The following PPFIBP1 variants were observed in gnomAD, a reference collection of about 807,000 sequenced individuals.
PPFIBP1 encodes the protein PPFIB scaffold protein 1.
In PPFIBP1, 112 loss-of-function variants were observed where a neutral mutation model predicts 137.8. That is an observed-to-expected ratio of 0.81 (90% CI 0.70 to 0.95). The LOEUF (loss-of-function observed/expected upper bound fraction) is 0.95, where lower values mean the gene tolerates loss of function less well. Among genes scored for constraint, PPFIBP1 ranks in the 40% least tolerant of loss-of-function variants. The probability of loss-of-function intolerance (pLI) is 0.00; values close to 1 mark genes in which losing one functional copy is unlikely to be tolerated. For synonymous variants in PPFIBP1, 378 were observed against 417.3 expected (o/e 0.91, Z 1.15); for missense variants, 1,083 against 1,196.6 (o/e 0.91, Z 1.40).
rs775489811 is a variant in PPFIBP1, at chr12:27,689,199, T to A, written c.2681T>A (p.Val894Glu). The change falls in exon 27 of 30, where the codon GTG becomes GAG. Residue 894 changes from valine (V) to glutamate (E), a missense_variant. Coordinates refer to ENST00000228425, the MANE Select transcript of PPFIBP1 (RefSeq NM_003622.4). Reference protein sequence around the residue: ...DYVLLTATAKVKPKKLAFSNF... With the variant: ...DYVLLTATAKEKPKKLAFSNF... ...GTACTTCTAACAGCTACTGCCAAAG[T>A]GAAGGTTGGTTCAGGCTCATACGGT... is the stretch of plus-strand genomic sequence containing the variant. 4 of 1,562,888 alleles carry A rather than the reference T, an allele frequency of 2.6e-6. No homozygotes were observed. The highest frequency in any genetic ancestry group is 3.4e-6 in the Non-Finnish European group (4 of 1,161,442).
At chr12:27,655,156 A>G (rs760164671) in intron 8 of PPFIBP1, 9 of 1,534,866 alleles carry the variant, frequency 5.9e-6, no homozygotes, top group African/African-American at 5.5e-5. Context: ...TTAATGGCCA[A>G]ACTTTCTAGC....
At chr12:27,540,206 G>A (rs1421452958) in intron 1 of PPFIBP1, among the ~76,000 whole-genome samples, 1 of 151,220 alleles carries the variant, frequency 6.6e-6, no homozygotes, top group African/African-American at 2.4e-5. Context: ...ATAGGCATGT[G>A]CCACCATGTC....
At chr12:27,675,001 T>A (rs1483130074) in intron 17 of PPFIBP1, among the ~76,000 whole-genome samples, 1 of 151,166 alleles carries the variant, frequency 6.6e-6, no homozygotes, top group Non-Finnish European at 1.5e-5. Flanking sequence ...GTTTGTTTTT[T>A]TTTTTATTTT....
Position 27,635,195 on chromosome 12 carries a change from G to A in PPFIBP1, c.270+80G>A, listed in dbSNP as rs758890864. On this transcript the variant is annotated intron_variant, in intron 4 of 29. Transcript: ENST00000228425. ...ATTTAGAACATAGAATAGCTGATTA[G>A]AACAAGAAAAGTTTAGGGCAACACA... The A allele has an allele frequency of 4.9e-6, 7 of 1,426,558 alleles. No homozygotes were observed. The East Asian group carries it at 1.4e-4, about 28-fold the overall frequency. The allele number at this position is 1,426,558 out of a possible 1,614,324, so 88.4% of individuals were successfully genotyped here.
chr12:27,566,076 A>C (rs889306744), intron 1 of PPFIBP1, among the ~76,000 whole-genome samples: 6 of 152,126 alleles, frequency 3.9e-5, no homozygotes, highest in Non-Finnish European at 5.9e-5. Flanking sequence ...TTTTCCCAGA[A>C]AGAGACTTTA....
At chr12:27,606,578 G>A (rs2054546592) in intron 2 of PPFIBP1, among the ~76,000 whole-genome samples, 1 of 152,178 alleles carries the variant, frequency 6.6e-6, no homozygotes, top group Admixed American at 6.5e-5. Context: ...GGAGAAATAG[G>A]CCAAAGGATA....
intron 2 of PPFIBP1, among the ~76,000 whole-genome samples, chr12:27,617,496 C>G (rs1168140441): frequency 6.6e-6 from 1 of 152,128 alleles, no homozygotes; most frequent in Non-Finnish European, 1.5e-5. Flanking sequence ...GTACAATTGT[C>G]CCTTGGTATC....
intron 15 of PPFIBP1, 39 bp downstream of exon 15, chr12:27,672,522 G>A (rs1027201106): frequency 2.7e-6 from 4 of 1,475,008 alleles, no homozygotes; most frequent in Non-Finnish European, 3.8e-6. Context: ...ATGTGATTGA[G>A]GCTAGAGAAA....
At chr12:27,582,751 C>T (rs544958474) in intron 2 of PPFIBP1, among the ~76,000 whole-genome samples, 1 of 152,296 alleles carries the variant, frequency 6.6e-6, no homozygotes, top group South Asian at 2.1e-4. Context: ...CAGAAGATAA[C>T]ATGTGCGATC....
chr12:27,667,966 A>G (rs1182759563), intron 13 of PPFIBP1, among the ~76,000 whole-genome samples: 1 of 152,166 alleles, frequency 6.6e-6, no homozygotes, highest in Non-Finnish European at 1.5e-5. Flanking sequence ...CTGTAGCCAC[A>G]GGCCTGCAGC....
At chr12:27,661,422 G>A (rs1250184802) in intron 11 of PPFIBP1, among the ~76,000 whole-genome samples, 4 of 152,084 alleles carry the variant, frequency 2.6e-5, no homozygotes, top group African/African-American at 9.7e-5. Context: ...AGAAAACAGC[G>A]GCATGGGCTT....
At chr12:27,596,731 C>T (rs1257862960) in intron 2 of PPFIBP1, among the ~76,000 whole-genome samples, 1 of 151,586 alleles carries the variant, frequency 6.6e-6, no homozygotes, top group Non-Finnish European at 1.5e-5. Context: ...AGATCTTGTA[C>T]TAAGCACTTT....
chr12:27,683,537 G>A (rs371967537), intron 24 of PPFIBP1, among the ~76,000 whole-genome samples: 36 of 152,222 alleles, frequency 2.4e-4, no homozygotes, highest in African/African-American at 8.4e-4. Flanking sequence ...CCTATCACCC[G>A]TCTCACTTCA....
intron 2 of PPFIBP1, among the ~76,000 whole-genome samples, chr12:27,596,166 C>T (rs1325733223): frequency 6.6e-6 from 1 of 151,352 alleles, no homozygotes; most frequent in Non-Finnish European, 1.5e-5. Flanking sequence ...AGAACCTCAA[C>T]GCATTGGAAT....
intron 2 of PPFIBP1, among the ~76,000 whole-genome samples, chr12:27,609,358 C>T (rs2054851055): frequency 6.6e-6 from 1 of 152,128 alleles, no homozygotes; most frequent in Non-Finnish European, 1.5e-5. Context: ...TTTTCAGTAC[C>T]ACAGGCTGGC....
chr12:27,638,457 G>A (rs2057849228), intron 4 of PPFIBP1, among the ~76,000 whole-genome samples: 1 of 152,032 alleles, frequency 6.6e-6, no homozygotes, highest in Admixed American at 6.6e-5. Flanking sequence ...AGTCTTTGAA[G>A]CTTATATGAC....
Position 27,634,937 on chromosome 12 carries a change from G to A in PPFIBP1, c.92G>A (p.Gly31Glu). Reference protein sequence around the residue: ...AGSKALEYSNGIFDCQSPTSP... With the variant: ...AGSKALEYSNEIFDCQSPTSP... Reference sequence around the variant, plus strand: ...TCTAAGGCTCTGGAATATTCCAATGGGATTTTTGATTGCCAATCTCCCACC... The same window carrying A: ...TCTAAGGCTCTGGAATATTCCAATGAGATTTTTGATTGCCAATCTCCCACC... Residue 31 changes from glycine (G) to glutamate (E), a missense_variant, in exon 4 of 30, where the codon GGG becomes GAG. Coordinates refer to ENST00000228425, the MANE Select transcript of PPFIBP1 (RefSeq NM_003622.4). 6.2e-7 allele frequency: 1 copy of A among 1,613,978 alleles called. No homozygotes were observed. The highest frequency in any genetic ancestry group is 8.5e-7 in the Non-Finnish European group (1 of 1,179,934).
intron 1 of PPFIBP1, among the ~76,000 whole-genome samples, chr12:27,570,669 A>G (rs911698957): frequency 1.3e-5 from 2 of 152,054 alleles, no homozygotes; most frequent in Non-Finnish European, 2.9e-5. Context: ...AAAAATGTAC[A>G]TAAGGCCAAG....
intron 1 of PPFIBP1, among the ~76,000 whole-genome samples, chr12:27,561,027 A>G (rs148114574): frequency 1.2e-4 from 18 of 152,316 alleles, no homozygotes; most frequent in African/African-American, 3.6e-4. Flanking sequence ...AACAAAAGAC[A>G]GAATAACAGT....
Sources: gnomAD v4.1 joint callset for allele counts (sites outside exome capture counted in the v4.1 genomes callset) on GRCh38, gnomAD v4.1.1 for gene constraint, MANE v1.5 for transcripts, NCBI Gene and HGNC (gene_info 2026-07-23, HGNC 2026-07-21) for gene names.